GLIS3: variants seen among roughly 807,000 people sequenced by gnomAD.
The protein encoded by GLIS3 is zinc finger protein GLIS3.
A neutral mutation model predicts 78.6 loss-of-function variants in GLIS3; 53 were observed. The observed-to-expected ratio is 0.67, with a 90% CI of 0.54 to 0.85. The LOEUF (loss-of-function observed/expected upper bound fraction) is 0.85. Among genes scored for constraint, GLIS3 ranks in the 40% least tolerant of loss-of-function variants. GLIS3 has a pLI of 0.00. For missense variants in GLIS3, 1,703 were observed against 1,231.1 expected (o/e 1.38, Z -5.74); for synonymous variants, 684 against 509.9 (o/e 1.34, Z -4.60).
intron 2 of GLIS3, among the ~76,000 whole-genome samples, chr9:4,331,228 T>G (rs1370349677): frequency 1.3e-5 from 2 of 152,218 alleles, no homozygotes; most frequent in Non-Finnish European, 2.9e-5. Context: ...AGGCACTCCT[T>G]GGCTTGTGGC....
At chr9:4,465,369 G>A in the GLIS3 span, among the ~76,000 whole-genome samples, 1 of 152,176 alleles carries the variant, frequency 6.6e-6, no homozygotes, top group African/African-American at 2.4e-5. Context: ...CCAACGTGGT[G>A]AAACCACATC....
chr9:4,478,869 A>T, the GLIS3 span, among the ~76,000 whole-genome samples: 2 of 152,200 alleles, frequency 1.3e-5, no homozygotes, highest in Non-Finnish European at 2.9e-5. Flanking sequence ...TCGTAGTTGA[A>T]TCAGGCTGAC....
upstream of GLIS3, among the ~76,000 whole-genome samples, chr9:4,348,892 G>A (rs187462872): frequency 5.9e-5 from 9 of 152,274 alleles, no homozygotes; most frequent in South Asian, 6.2e-4. Context: ...GCTTTGTAGA[G>A]TAAAATTATG....
intron 4 of GLIS3, among the ~76,000 whole-genome samples, chr9:4,046,192 A>C (rs1169055646): frequency 6.6e-6 from 1 of 152,202 alleles, no homozygotes; most frequent in Non-Finnish European, 1.5e-5. Context: ...ACTGTTTTCA[A>C]AGTTGATACT....
intron 4 of GLIS3, among the ~76,000 whole-genome samples, chr9:4,032,428 C>T (rs1202664194): frequency 1.3e-5 from 2 of 152,058 alleles, no homozygotes; most frequent in Middle Eastern, 3.4e-3. Flanking sequence ...CTTTCTTCTG[C>T]ATAGAATGCT....
chr9:4,385,210 C>G, the GLIS3 span, among the ~76,000 whole-genome samples: 2 of 152,182 alleles, frequency 1.3e-5, no homozygotes, highest in Non-Finnish European at 2.9e-5. Flanking sequence ...TTCGATTTCC[C>G]ACATTCCGTT....
chr9:4,215,484 A>C (rs1820746571), intron 2 of GLIS3, among the ~76,000 whole-genome samples: 1 of 152,144 alleles, frequency 6.6e-6, no homozygotes, highest in African/African-American at 2.4e-5. Flanking sequence ...GTGAAGGAAA[A>C]AAATCTGTTT....
intron 4 of GLIS3, among the ~76,000 whole-genome samples, chr9:3,960,592 G>T (rs780955433): frequency 1.3e-5 from 2 of 152,186 alleles, no homozygotes; most frequent in Non-Finnish European, 2.9e-5. Context: ...TGGGTCCACA[G>T]TATGTTGAAT....
chr9:4,250,014 C>A (rs909745225), intron 2 of GLIS3, among the ~76,000 whole-genome samples: 10 of 152,180 alleles, frequency 6.6e-5, no homozygotes, highest in South Asian at 2.1e-4. Context: ...TGCTGGATTC[C>A]GTTTGCCAGT....
intron 4 of GLIS3, among the ~76,000 whole-genome samples, chr9:4,065,643 A>T (rs972822535): frequency 6.6e-6 from 1 of 152,236 alleles, no homozygotes; most frequent in African/African-American, 2.4e-5. Flanking sequence ...AAAAAAAATA[A>T]GTAGCAAGTT....
At chr9:3,944,834 T>A (rs144764412) in intron 4 of GLIS3, among the ~76,000 whole-genome samples, 35 of 152,352 alleles carry the variant, frequency 2.3e-4, no homozygotes, top group African/African-American at 8.4e-4. Context: ...TTCAGAAGAC[T>A]GAGAAGTTCA....
At chr9:4,272,199 T>C (rs1013052355) in intron 2 of GLIS3, among the ~76,000 whole-genome samples, 3 of 152,206 alleles carry the variant, frequency 2.0e-5, no homozygotes, top group African/African-American at 7.2e-5. Flanking sequence ...CGAATGGCAC[T>C]TTTAACTCAC....
chr9:4,361,667 A>C, the GLIS3 span, among the ~76,000 whole-genome samples: 1 of 152,238 alleles, frequency 6.6e-6, no homozygotes, highest in African/African-American at 2.4e-5. Context: ...GCCAGTCCAT[A>C]AGCAGTTGTG....
intron 2 of GLIS3, among the ~76,000 whole-genome samples, chr9:4,163,882 G>C (rs1586851043): frequency 6.6e-6 from 1 of 152,104 alleles, no homozygotes; most frequent in Non-Finnish European, 1.5e-5. Flanking sequence ...ATAATGAAAA[G>C]GCTACAAATG....
At chr9:4,280,121 G>C (rs1434080053) in intron 2 of GLIS3, among the ~76,000 whole-genome samples, 1 of 152,194 alleles carries the variant, frequency 6.6e-6, no homozygotes, top group African/African-American at 2.4e-5. Context: ...CTGGACTCAA[G>C]TGATCCTCCC....
chr9:4,239,223 C>T (rs559964416), intron 2 of GLIS3, among the ~76,000 whole-genome samples: 5 of 148,910 alleles, frequency 3.4e-5, no homozygotes, highest in South Asian at 2.2e-4. Context: ...TGCTAAATGA[C>T]GAGTTAATGG....
intron 2 of GLIS3, among the ~76,000 whole-genome samples, chr9:4,218,169 T>C (rs1253182539): frequency 6.6e-6 from 1 of 152,240 alleles, no homozygotes; most frequent in Non-Finnish European, 1.5e-5. Context: ...TCCTTTCTGC[T>C]ACCACATCGT....
chr9:4,430,492 G>C, the GLIS3 span, among the ~76,000 whole-genome samples: 1 of 152,162 alleles, frequency 6.6e-6, no homozygotes. Context: ...TATTTGGGCA[G>C]GGCCCTCATA....
intron 2 of GLIS3, among the ~76,000 whole-genome samples, chr9:4,322,242 T>G (rs1216371952): frequency 6.6e-6 from 1 of 152,200 alleles, no homozygotes; most frequent in Non-Finnish European, 1.5e-5. Flanking sequence ...TATTCCATGG[T>G]GTATATGTGC....
Sources: allele counts gnomAD v4.1 joint callset (sites outside exome capture counted in the v4.1 genomes callset), GRCh38; gene constraint gnomAD v4.1.1; transcripts MANE v1.5; gene names NCBI Gene and HGNC (gene_info 2026-07-23, HGNC 2026-07-21).